The following PDE5A variants were observed in gnomAD, a reference collection of about 807,000 sequenced individuals.
PDE5A encodes cGMP-specific 3',5'-cyclic phosphodiesterase.
PDE5A carries 67 observed loss-of-function variants against 110.2 expected under a neutral mutation model. The ratio of observed to expected loss-of-function variants is 0.61; its 90% CI spans 0.50 to 0.75. PDE5A has a LOEUF of 0.75. Ranked by LOEUF, PDE5A falls within the 30% of genes least tolerant of loss-of-function variation. The probability of loss-of-function intolerance (pLI) is 0.00; values close to 1 mark genes in which losing one functional copy is unlikely to be tolerated. For missense variants in PDE5A, 862 were observed against 1,045.1 expected (o/e 0.82, Z 2.42); for synonymous variants, 328 against 351.2 (o/e 0.93, Z 0.74).
chr4:119,624,499 A>C (rs1730269367), intron 1 of PDE5A, among the ~76,000 whole-genome samples: 1 of 152,240 alleles, frequency 6.6e-6, no homozygotes, highest in African/African-American at 2.4e-5. Flanking sequence ...AGTCTATCAT[A>C]GAAAGCTATA....
In PDE5A at chr4:119,560,842, A is replaced by C. The variant is rs545346595; in HGVS notation, c.1132-479T>G. 3.4e-4 allele frequency among the ~76,000 whole-genome samples: 52 copies of C among 152,348 alleles called. No individual in the cohort carries two copies. In the South Asian group the frequency reaches 0.01, roughly 30 times the overall value. Reference sequence around the variant, plus strand: ...AGAAATACTTTTGAAATTACATTAAAGGTGTGGTGGTTCATGCCTATAATC... The same window carrying C: ...AGAAATACTTTTGAAATTACATTAACGGTGTGGTGGTTCATGCCTATAATC... On this transcript the variant is annotated intron_variant, in intron 6 of 20. Coordinates refer to ENST00000354960, the MANE Select transcript of PDE5A (RefSeq NM_001083.4).
chr4:119,511,201 T>A, intron 14 of PDE5A, 67 bp from the exon 15 acceptor site: 5 of 953,154 alleles, frequency 5.2e-6, no homozygotes, highest in South Asian at 4.2e-5. Context: ...ATCAGTACAT[T>A]TTTATTACTG....
intron 2 of PDE5A, among the ~76,000 whole-genome samples, chr4:119,598,512 CTGTT>C (rs544783974): frequency 2.9e-3 from 437 of 152,272 alleles, no homozygotes; most frequent in African/African-American, 9.7e-3. Flanking sequence ...ATTCCTTTCA[CTGTT>C]TGTTTACAAG....
intron 2 of PDE5A, among the ~76,000 whole-genome samples, chr4:119,603,375 AATACATACATACATAC>A (rs10579225): frequency 0.036 from 5,388 of 148,690 alleles, 153 homozygotes; most frequent in Non-Finnish European, 0.056. Context: ...GCTTAAAATA[AATACATACATACATAC>A]ATACATACAT....
intron 3 of PDE5A, among the ~76,000 whole-genome samples, chr4:119,593,958 GACTC>G (rs1487173417): frequency 1.3e-5 from 2 of 152,146 alleles, no homozygotes; most frequent in South Asian, 2.1e-4. Context: ...GATCTCATGA[GACTC>G]ACTCACTATC....
chr4:119,568,841 T>C (rs1194992978), intron 3 of PDE5A, among the ~76,000 whole-genome samples: 1 of 152,206 alleles, frequency 6.6e-6, no homozygotes, highest in East Asian at 1.9e-4. Flanking sequence ...ATTGATATGC[T>C]ATCTGTACCT....
chr4:119,576,571 C>T lies in PDE5A; in HGVS notation c.832-9427G>A, dbSNP rs1410489242. The stretch of plus-strand genomic sequence containing the variant: ...CTCAACTACATGGAAACTGAACAAT[C>T]GGCTCCTGAATGACTACTGAGTACA... On this transcript the variant is annotated intron_variant, in intron 3 of 20. Coordinates refer to ENST00000354960, the MANE Select transcript of PDE5A (RefSeq NM_001083.4). 3.3e-5 allele frequency among the ~76,000 whole-genome samples: 5 copies of T among 152,258 alleles called. No homozygotes were observed. In the East Asian group the frequency reaches 5.8e-4, roughly 18 times the overall value.
rs142085089 is a variant in PDE5A at position 119,606,979 on chromosome 4, C to T, written c.471G>A (p.Lys157=). 2.1e-5 allele frequency: 34 copies of T among 1,614,164 alleles called. No individual in the cohort carries two copies. In the African/African-American group the frequency reaches 4.4e-4, roughly 21 times the overall value. ...TGACATCCAAATGACTAGAAATATC[C>T]TTCACTAATTCCAAGAGTCTTGAGC... ...DQCSRLLELV[K]DISSHLDVTA... The change falls in exon 2 of 21, where the codon AAG becomes AAA. Residue 157 remains lysine (K), a synonymous_variant. Transcript: ENST00000354960.
chr4:119,513,919 A>G (rs1179631147), intron 14 of PDE5A, among the ~76,000 whole-genome samples: 2 of 152,236 alleles, frequency 1.3e-5, no homozygotes, highest in Non-Finnish European at 1.5e-5. Flanking sequence ...TTCTAAAAAT[A>G]CAGATTTATG....
At chr4:119,567,166 G>A (rs1393143665) in intron 3 of PDE5A, 22 bp from the exon 4 acceptor site, 6 of 1,574,694 alleles carry the variant, frequency 3.8e-6, no homozygotes, top group African/African-American at 2.7e-5. Context: ...AGAGAAAAGC[G>A]ACAATTTTTT....
chr4:119,571,026 A>G (rs538982236), intron 3 of PDE5A, among the ~76,000 whole-genome samples: 1 of 152,324 alleles, frequency 6.6e-6, no homozygotes, highest in East Asian at 1.9e-4. Flanking sequence ...AGTAGTGAAC[A>G]AAACAGATGA....
At chr4:119,565,240 C>A in intron 5 of PDE5A, 81 bp downstream of exon 5, 1 of 891,440 alleles carries the variant, frequency 1.1e-6, no homozygotes, top group South Asian at 1.5e-5. Flanking sequence ...AATTTTTAAT[C>A]ATCTGCATAC....
chr4:119,560,414 A>G, intron 6 of PDE5A, 51 bp from the exon 7 acceptor site: 1 of 1,192,704 alleles, frequency 8.4e-7, no homozygotes, highest in Admixed American at 2.0e-5. Flanking sequence ...GGTAATGAAA[A>G]CTATCTAGAT....
chr4:119,592,070 A>AGGCAGGAGAATTGCTTGG (rs1248523452), intron 3 of PDE5A, among the ~76,000 whole-genome samples: 3 of 147,156 alleles, frequency 2.0e-5, no homozygotes, highest in African/African-American at 7.6e-5. Context: ...GAATTGCTTG[A>AGGCAGGAGAATTGCTTGG]ACCCGGGAGG....
chr4:119,619,416 G>A (rs7693919), intron 1 of PDE5A, among the ~76,000 whole-genome samples: 47,558 of 151,882 alleles, frequency 0.31, 7,504 homozygotes, highest in East Asian at 0.39. Flanking sequence ...TTCACCTCCC[G>A]TCTTAAAGTT....
rs1363590784 is a variant in PDE5A, at chr4:119,495,142, A to T, written c.*3459T>A. ...TTCAGGTAAAGAAGGTGCATAAAAC[A>T]TATGTTATTGATGAAAATGGAAATG... is the stretch of plus-strand genomic sequence containing the variant. On this transcript the variant is annotated 3_prime_UTR_variant, in exon 21 of 21. Coordinates refer to ENST00000354960, the MANE Select transcript of PDE5A (RefSeq NM_001083.4). 1 of 152,118 alleles carries T rather than the reference A, an allele frequency of 6.6e-6. No individual in the cohort carries two copies. The highest frequency in any genetic ancestry group is 1.5e-5 in the Non-Finnish European group (1 of 68,024). 9.4% of individuals were successfully genotyped at this position (152,118 alleles called of 1,614,324 possible).
intron 1 of PDE5A, among the ~76,000 whole-genome samples, chr4:119,617,701 T>C (rs767540530): frequency 2.0e-5 from 3 of 152,120 alleles, no homozygotes; most frequent in Non-Finnish European, 2.9e-5. Flanking sequence ...GTAGAGCAAC[T>C]AGTTTAATAC....
chr4:119,534,362 G>A (rs571642160), intron 11 of PDE5A, among the ~76,000 whole-genome samples: 1 of 152,172 alleles, frequency 6.6e-6, no homozygotes, highest in East Asian at 1.9e-4. Flanking sequence ...ATCAGTGACA[G>A]CATTAGATTC....
rs1027730972 is a variant in PDE5A, at chr4:119,611,522, A to G, written c.153-4225T>C. On this transcript the variant is annotated intron_variant, in intron 1 of 20. Transcript: ENST00000354960. The stretch of plus-strand genomic sequence containing the variant: ...CACCCCTTGGATGTGTAAGTCTCAC[A>G]ACTGACCGTGACTAATTTATGCTTG... Among the ~76,000 whole-genome samples the G allele has an allele frequency of 2.0e-5, 3 of 152,288 alleles. No homozygotes were observed. The South Asian group carries it at 6.2e-4, about 32-fold the overall frequency.
Sources: gnomAD v4.1 joint callset for allele counts (sites outside exome capture counted in the v4.1 genomes callset) on GRCh38, gnomAD v4.1.1 for gene constraint, MANE v1.5 for transcripts, NCBI Gene and HGNC (gene_info 2026-07-23, HGNC 2026-07-21) for gene names.